The following CALCR variants were observed in gnomAD, a reference collection of about 807,000 sequenced individuals.
CALCR encodes the protein calcitonin receptor.
CALCR carries 47 observed loss-of-function variants against 59.5 expected under a neutral mutation model. The ratio of observed to expected loss-of-function variants is 0.79; its 90% CI spans 0.63 to 1.01. The LOEUF (loss-of-function observed/expected upper bound fraction) is 1.01, where lower values mean the gene tolerates loss of function less well. CALCR is among the 50% of genes least tolerant of loss of function. The pLI, the probability that CALCR is intolerant of heterozygous loss-of-function variation, is 0.00. For missense variants in CALCR, 566 were observed against 597.1 expected, an observed-to-expected ratio of 0.95 and a Z score of 0.54; for synonymous variants, 213 against 211.3, an observed-to-expected ratio of 1.01 and a Z score of -0.07.
chr7:93,524,889 G>T (rs890836537), intron 2 of CALCR, among the ~76,000 whole-genome samples: 1 of 151,732 alleles, frequency 6.6e-6, no homozygotes, highest in African/African-American at 2.4e-5. Context: ...AAGTTTTTAG[G>T]GCAAGTCACA....
At chr7:93,490,332 G>C (rs998663855) in intron 2 of CALCR, among the ~76,000 whole-genome samples, 3 of 151,710 alleles carry the variant, frequency 2.0e-5, no homozygotes, top group Non-Finnish European at 4.4e-5. Flanking sequence ...CATTCCCTTT[G>C]AAAACCAGCA....
At chr7:93,435,149 C>T (rs566916986) in intron 12 of CALCR, among the ~76,000 whole-genome samples, 2 of 152,208 alleles carry the variant, frequency 1.3e-5, no homozygotes, top group African/African-American at 4.8e-5. Context: ...CAGGACAGCC[C>T]CTGAGAGCCC....
chr7:93,441,574 A>G (rs1490779020), intron 9 of CALCR: 1 of 453,036 alleles, frequency 2.2e-6, no homozygotes, highest in Non-Finnish European at 4.4e-6. Flanking sequence ...AAAAAATAGT[A>G]AAAGACCATT....
intron 2 of CALCR, among the ~76,000 whole-genome samples, chr7:93,512,372 G>C (rs1801564494): frequency 6.6e-6 from 1 of 152,090 alleles, no homozygotes; most frequent in Non-Finnish European, 1.5e-5. Context: ...GCAAGAGGTG[G>C]AATCTAAATT....
At chr7:93,516,652 C>T (rs1801657256) in intron 2 of CALCR, among the ~76,000 whole-genome samples, 2 of 151,674 alleles carry the variant, frequency 1.3e-5, no homozygotes, top group African/African-American at 4.8e-5. Flanking sequence ...ACATGCATGT[C>T]AAAGAGAGTC....
At chr7:93,530,427 T>G (rs1788801589) in intron 2 of CALCR, among the ~76,000 whole-genome samples, 1 of 152,168 alleles carries the variant, frequency 6.6e-6, no homozygotes, top group Non-Finnish European at 1.5e-5. Flanking sequence ...TAATCTAACT[T>G]TAATGCCGCA....
At chr7:93,475,234 C>T (rs1800642505) in intron 5 of CALCR, among the ~76,000 whole-genome samples, 1 of 151,474 alleles carries the variant, frequency 6.6e-6, no homozygotes, top group Non-Finnish European at 1.5e-5. Flanking sequence ...AACATTTTTT[C>T]AAGCAAAAGA....
chr7:93,493,083 A>C (rs1421342997), intron 2 of CALCR, among the ~76,000 whole-genome samples: 1 of 151,358 alleles, frequency 6.6e-6, no homozygotes, highest in Non-Finnish European at 1.5e-5. Context: ...CATCTACATA[A>C]ATACACATCC....
intron 13 of CALCR, among the ~76,000 whole-genome samples, chr7:93,427,952 G>C (rs1229238521): frequency 1.3e-5 from 2 of 152,112 alleles, no homozygotes; most frequent in Non-Finnish European, 2.9e-5. Flanking sequence ...TTAGCAATCT[G>C]ATAATTTGGA....
At chr7:93,436,837 C>A (rs1490604723) in intron 11 of CALCR, among the ~76,000 whole-genome samples, 1 of 152,110 alleles carries the variant, frequency 6.6e-6, no homozygotes, top group Non-Finnish European at 1.5e-5. Flanking sequence ...ACTTTTTCCC[C>A]ACACATATGC....
At chr7:93,534,461 G>A (rs930895628) in intron 2 of CALCR, among the ~76,000 whole-genome samples, 1 of 151,338 alleles carries the variant, frequency 6.6e-6, no homozygotes, top group Admixed American at 6.6e-5. Flanking sequence ...TGCTCAAGAT[G>A]GTAAGCCTGA....
At chr7:93,568,801 G>A (rs1715678371) in intron 2 of CALCR, among the ~76,000 whole-genome samples, 1 of 151,528 alleles carries the variant, frequency 6.6e-6, no homozygotes. Context: ...TATATTTCTA[G>A]TACCAAATTC....
chr7:93,507,673 C>T (rs566152865), intron 2 of CALCR, among the ~76,000 whole-genome samples: 6 of 148,678 alleles, frequency 4.0e-5, no homozygotes, highest in Non-Finnish European at 8.9e-5. Flanking sequence ...TTTGGGAGGC[C>T]GAGGTGGGTG....
rs973111293 is a variant in CALCR at position 93,425,344 on chromosome 7, T to C, written c.*1012A>G. 1 of 152,638 alleles carries C rather than the reference T, an allele frequency of 6.6e-6. No individual in the cohort carries two copies. The highest frequency in any genetic ancestry group is 2.4e-5 in the African/African-American group (1 of 41,452). The allele number at this position is 152,638 out of a possible 1,614,324, so 9.5% of individuals were successfully genotyped here. Reference sequence around the variant, plus strand: ...AAAAGCCTGAGCTCTTTTTAAGCTTTGAAGCTGGGTGGAAAGCAGTTAATG... The same window carrying C: ...AAAAGCCTGAGCTCTTTTTAAGCTTCGAAGCTGGGTGGAAAGCAGTTAATG... On this transcript the variant is annotated 3_prime_UTR_variant, in exon 14 of 14. Transcript: ENST00000426151.
chr7:93,552,391 G>T (rs1584626847), intron 2 of CALCR, among the ~76,000 whole-genome samples: 1 of 152,208 alleles, frequency 6.6e-6, no homozygotes, highest in East Asian at 1.9e-4. Flanking sequence ...CCCTTTCCAA[G>T]GCCACACTGT....
At position 93,438,240 on chromosome 7, in the gene CALCR, G is replaced by C. The variant is rs774993371; in HGVS notation, c.833C>G (p.Ala278Gly). Residue 278 changes from alanine to glycine, a missense_variant, in exon 10 of 14, where the codon GCT becomes GGT. Ala to Gly is a moderately conservative substitution (Grantham distance 60, BLOSUM62 0). Transcript: ENST00000426151. ...GFPLVPTTIHAITRAVYFNDN... is the reference protein window; with the variant it reads ...GFPLVPTTIHGITRAVYFNDN... ...ATTGAAGTACACGGCCCTGGTAATA[G>C]CATGGATAGTGGTTGGCACCAGCGG... 6.2e-7 allele frequency: 1 copy of C among 1,613,478 alleles called. No homozygotes were observed.
chr7:93,573,140 A>C (rs892680178), intron 2 of CALCR, among the ~76,000 whole-genome samples: 1 of 152,200 alleles, frequency 6.6e-6, no homozygotes, highest in Non-Finnish European at 1.5e-5. Flanking sequence ...TTTAAAGCTG[A>C]GTTATTTTAC....
chr7:93,534,348 T>C (rs1413416437), intron 2 of CALCR, among the ~76,000 whole-genome samples: 1 of 151,734 alleles, frequency 6.6e-6, no homozygotes, highest in Admixed American at 6.6e-5. Flanking sequence ...ATGGATGAGC[T>C]GAGATTTGTA....
At chr7:93,486,007 C>G (rs939527085) in intron 3 of CALCR, among the ~76,000 whole-genome samples, 3 of 151,448 alleles carry the variant, frequency 2.0e-5, no homozygotes, top group Non-Finnish European at 4.4e-5. Flanking sequence ...TAAAGACAAA[C>G]AGTTTAGACA....
Sources: allele counts gnomAD v4.1 joint callset (sites outside exome capture counted in the v4.1 genomes callset), GRCh38; gene constraint gnomAD v4.1.1; transcripts MANE v1.5; gene names NCBI Gene and HGNC (gene_info 2026-07-23, HGNC 2026-07-21).